Variants in MLLT10 observed in about 807,000 individuals in gnomAD.
MLLT10 encodes protein AF-10.
A neutral mutation model predicts 129.1 loss-of-function variants in MLLT10; 30 were observed. The ratio of observed to expected loss-of-function variants is 0.23; its 90% CI spans 0.17 to 0.32. MLLT10 has a LOEUF of 0.32. Among genes scored for constraint, MLLT10 ranks in the 10% least tolerant of loss-of-function variants. MLLT10 has a pLI of 1.00. For synonymous variants in MLLT10, 490 were observed against 446.4 expected (o/e 1.10, Z -1.23); for missense variants, 1,119 against 1,268.3 (o/e 0.88, Z 1.79).
intron 20 of MLLT10, 94 bp downstream of exon 20, chr10:21,734,223 A>C: frequency 6.9e-7 from 1 of 1,450,348 alleles, no homozygotes. Flanking sequence ...GTTCCTTTGT[A>C]GATACACCTT....
chr10:21,694,116 A>G (rs934061378), intron 13 of MLLT10, among the ~76,000 whole-genome samples: 12 of 152,220 alleles, frequency 7.9e-5, no homozygotes, highest in African/African-American at 2.9e-4. Flanking sequence ...TTTCTGAGCC[A>G]TTTGAGAGTA....
chr10:21,720,470 A>T (rs924248557), intron 14 of MLLT10, among the ~76,000 whole-genome samples: 13 of 152,206 alleles, frequency 8.5e-5, no homozygotes, highest in Non-Finnish European at 4.4e-5. Context: ...AGAATATGTG[A>T]ACCTTTCAAT....
chr10:21,640,637 G>A (rs2047914834), intron 8 of MLLT10, among the ~76,000 whole-genome samples: 1 of 152,086 alleles, frequency 6.6e-6, no homozygotes, highest in Non-Finnish European at 1.5e-5. Context: ...TGAATCTTCT[G>A]TAATAGACAG....
intron 5 of MLLT10, among the ~76,000 whole-genome samples, chr10:21,610,361 C>T (rs1179388409): frequency 6.6e-6 from 1 of 152,090 alleles, no homozygotes; most frequent in Non-Finnish European, 1.5e-5. Context: ...TGGAGGGAGC[C>T]CTCATCTTCT....
chr10:21,719,319 A>G (rs1268646536), intron 14 of MLLT10, among the ~76,000 whole-genome samples: 2 of 152,168 alleles, frequency 1.3e-5, no homozygotes, highest in Non-Finnish European at 2.9e-5. Context: ...TCTGATTTCA[A>G]TAATATAATG....
intron 8 of MLLT10, among the ~76,000 whole-genome samples, chr10:21,632,576 A>G (rs1177887873): frequency 6.6e-6 from 1 of 152,238 alleles, no homozygotes; most frequent in Non-Finnish European, 1.5e-5. Flanking sequence ...CACCATGCTC[A>G]ATCCTTGGGA....
intron 8 of MLLT10, chr10:21,625,639 G>T: frequency 1.3e-6 from 1 of 759,486 alleles, no homozygotes. Flanking sequence ...AACCCTCTGT[G>T]ACTTTACTGA....
intron 3 of MLLT10, among the ~76,000 whole-genome samples, chr10:21,540,391 C>CA (rs770542365): frequency 0.046 from 6,062 of 131,300 alleles, 362 homozygotes; most frequent in African/African-American, 0.15. Context: ...GAGACTGTTT[C>CA]AAAAAAAAAA....
At chr10:21,536,580 A>G in intron 2 of MLLT10, among the ~76,000 whole-genome samples, 1 of 152,042 alleles carries the variant, frequency 6.6e-6, no homozygotes, top group Admixed American at 6.5e-5. Flanking sequence ...CATTTTACAA[A>G]TTCTGTTTTT....
At chr10:21,587,971 A>T (rs1259699070) in intron 4 of MLLT10, among the ~76,000 whole-genome samples, 1 of 152,154 alleles carries the variant, frequency 6.6e-6, no homozygotes, top group Admixed American at 6.5e-5. Context: ...TACTCCCTCC[A>T]TCTTTATACA....
intron 3 of MLLT10, among the ~76,000 whole-genome samples, chr10:21,585,807 A>T (rs758859445): frequency 1.3e-5 from 2 of 152,012 alleles, no homozygotes; most frequent in Non-Finnish European, 2.9e-5. Context: ...TGTTGCCCAG[A>T]CTGGAGTGCA....
chr10:21,599,889 G>C (rs1005000651), intron 5 of MLLT10, among the ~76,000 whole-genome samples: 2 of 152,064 alleles, frequency 1.3e-5, no homozygotes, highest in African/African-American at 4.8e-5. Context: ...GTGGCTTTAA[G>C]ACTAAAATAG....
chr10:21,633,515 G>A (rs746198857), intron 8 of MLLT10, among the ~76,000 whole-genome samples: 2 of 151,824 alleles, frequency 1.3e-5, no homozygotes, highest in Non-Finnish European at 2.9e-5. Flanking sequence ...AACATGGCAA[G>A]AAGCCATCTC....
chr10:21,544,669 A>C (rs973508053), intron 3 of MLLT10, among the ~76,000 whole-genome samples: 2 of 152,214 alleles, frequency 1.3e-5, no homozygotes, highest in African/African-American at 4.8e-5. Flanking sequence ...GTATGAAATG[A>C]CAGAAATGGA....
chr10:21,580,624 T>C (rs745428070), intron 3 of MLLT10, among the ~76,000 whole-genome samples: 39 of 152,104 alleles, frequency 2.6e-4, no homozygotes, highest in Non-Finnish European at 4.9e-4. Context: ...TCTCCTGACC[T>C]CGTGATCTGC....
intron 8 of MLLT10, among the ~76,000 whole-genome samples, chr10:21,651,039 G>GTTGTTTTGTTTTGTTTTGTTTTGTT (rs57639142): frequency 2.7e-5 from 4 of 148,430 alleles, no homozygotes; most frequent in African/African-American, 1.0e-4. Flanking sequence ...TGGTGGTTGT[G>GTTGTTTTGTTTTGTTTTGTTTTGTT]TTGTTTTGTT....
intron 9 of MLLT10, among the ~76,000 whole-genome samples, chr10:21,660,631 A>AT: frequency 6.7e-6 from 1 of 150,168 alleles, no homozygotes; most frequent in Non-Finnish European, 1.5e-5. Context: ...AAAAAAAAAA[A>AT]AAAAAGCCAG....
At chr10:21,706,259 A>G (rs1020025370) in intron 13 of MLLT10, among the ~76,000 whole-genome samples, 68 of 152,224 alleles carry the variant, frequency 4.5e-4, no homozygotes, top group African/African-American at 1.6e-3. Context: ...TGTTTGTCAG[A>G]TGTTTACTAT....
At chr10:21,635,058 T>C (rs945452593) in intron 8 of MLLT10, among the ~76,000 whole-genome samples, 1 of 152,222 alleles carries the variant, frequency 6.6e-6, no homozygotes, top group African/African-American at 2.4e-5. Context: ...GAATGGACCC[T>C]TCAGCAGTTT....
Sources: gnomAD v4.1 joint callset for allele counts (sites outside exome capture counted in the v4.1 genomes callset) on GRCh38, gnomAD v4.1.1 for gene constraint, MANE v1.5 for transcripts, NCBI Gene and HGNC (gene_info 2026-07-23, HGNC 2026-07-21) for gene names.